The following GOLPH3 variants were observed in gnomAD, a reference collection of about 807,000 sequenced individuals.
GOLPH3 encodes golgi phosphoprotein 3.
GOLPH3 carries 14 observed loss-of-function variants against 28.5 expected under a neutral mutation model. The ratio of observed to expected loss-of-function variants is 0.49; its 90% CI spans 0.32 to 0.77. GOLPH3 has a LOEUF of 0.77. Among genes scored for constraint, GOLPH3 ranks in the 30% least tolerant of loss-of-function variants. The pLI, the probability that GOLPH3 is intolerant of heterozygous loss-of-function variation, is 0.03. For synonymous variants in GOLPH3, 158 were observed against 159.2 expected (o/e 0.99, Z 0.06); for missense variants, 350 against 393.7 (o/e 0.89, Z 0.94).
chr5:32,148,831 C>T (rs959797056), intron 1 of GOLPH3, among the ~76,000 whole-genome samples: 4 of 151,974 alleles, frequency 2.6e-5, no homozygotes, highest in African/African-American at 9.7e-5. Flanking sequence ...CAAAATTACC[C>T]AGGCGTGGTG....
intron 1 of GOLPH3, among the ~76,000 whole-genome samples, chr5:32,167,306 G>A (rs1395978568): frequency 6.6e-6 from 1 of 152,022 alleles, no homozygotes; most frequent in South Asian, 2.1e-4. Context: ...CGAGTAGCTG[G>A]GATTACAGGT....
chr5:32,160,962 G>T (rs1178799230), intron 1 of GOLPH3, among the ~76,000 whole-genome samples: 1 of 151,390 alleles, frequency 6.6e-6, no homozygotes, highest in East Asian at 1.9e-4. Flanking sequence ...AGCTACTCGG[G>T]AGGCTGAGGC....
At chr5:32,161,402 CA>C (rs763841756) in intron 1 of GOLPH3, among the ~76,000 whole-genome samples, 43 of 32,000 alleles carry the variant, frequency 1.3e-3, no homozygotes, top group Admixed American at 2.4e-3. Context: ...TACCTTGTCT[CA>C]AAAAAAAAAA....
rs1746472296 is a variant in GOLPH3, at chr5:32,158,014, TAAATAAAATACAC to T, written c.226-14147_226-14135del. On this transcript the variant is annotated intron_variant, in intron 1 of 3. Transcript: ENST00000265070. ...ATAAATAAATAAATAAATAAATAAA[TAAATAAAATACAC>T]ACACACACACACACACACACACACA... Among the ~76,000 whole-genome samples the T allele has an allele frequency of 3.3e-4, 11 of 33,544 alleles. 1 individual carries two copies. Among genetic ancestry groups the T allele is most frequent in the African/African-American group, 1.1e-3 (11 of 10,168 alleles). 22.0% of individuals were successfully genotyped at this position (33,544 alleles called of 152,430 possible).
At chr5:32,147,888 C>T (rs1164963013) in intron 1 of GOLPH3, among the ~76,000 whole-genome samples, 1 of 152,178 alleles carries the variant, frequency 6.6e-6, no homozygotes, top group Non-Finnish European at 1.5e-5. Context: ...TCCAGCTCTA[C>T]CACATACTAT....
At chr5:32,171,664 A>C (rs1746841124) in intron 1 of GOLPH3, among the ~76,000 whole-genome samples, 1 of 152,078 alleles carries the variant, frequency 6.6e-6, no homozygotes, top group African/African-American at 2.4e-5. Context: ...AAAAATGTTT[A>C]TGGCCGGGCG....
At chr5:32,150,961 A>AC (rs1367648087) in intron 1 of GOLPH3, among the ~76,000 whole-genome samples, 1 of 152,222 alleles carries the variant, frequency 6.6e-6, no homozygotes, top group Non-Finnish European at 1.5e-5. Context: ...TCCTTATTAT[A>AC]CATCAATATA....
At position 32,126,211 on chromosome 5, in the gene GOLPH3, G is replaced by A; in HGVS notation, c.*1C>T. 1.2e-6 allele frequency: 2 copies of A among 1,608,562 alleles called. No homozygotes were observed. Among genetic ancestry groups the A allele is most frequent in the African/African-American group, 1.3e-5 (1 of 74,948 alleles). On this transcript the variant is annotated 3_prime_UTR_variant, in exon 4 of 4. Transcript: ENST00000265070. ...AGGAGAATGGTTCACCCCGAGCAGAGTTACTTGGTGAACGCCGCCACCACC... is the reference window on the plus strand; with the variant it reads ...AGGAGAATGGTTCACCCCGAGCAGAATTACTTGGTGAACGCCGCCACCACC...
intron 1 of GOLPH3, among the ~76,000 whole-genome samples, chr5:32,172,614 G>A (rs323828): frequency 0.27 from 40,863 of 152,012 alleles, 6,213 homozygotes; most frequent in South Asian, 0.41. Flanking sequence ...AAAATCGCTT[G>A]AACCCGGGAG....
intron 3 of GOLPH3, among the ~76,000 whole-genome samples, chr5:32,134,325 C>A (rs1745886622): frequency 6.6e-6 from 1 of 152,094 alleles, no homozygotes; most frequent in Admixed American, 6.5e-5. Context: ...CCCACCTCAG[C>A]TTTCCAAGTA....
intron 3 of GOLPH3, among the ~76,000 whole-genome samples, chr5:32,130,222 T>G (rs1302841198): frequency 6.6e-6 from 1 of 152,174 alleles, no homozygotes; most frequent in Non-Finnish European, 1.5e-5. Context: ...TGAGTTTTGC[T>G]TTTTCTAATG....
intron 1 of GOLPH3, among the ~76,000 whole-genome samples, chr5:32,154,379 G>C (rs77602412): frequency 0.06 from 9,198 of 152,272 alleles, 620 homozygotes; most frequent in African/African-American, 0.16. Context: ...ACAAGTTCTA[G>C]TGGCAGATCT....
chr5:32,149,671 A>C (rs1023083587), intron 1 of GOLPH3, among the ~76,000 whole-genome samples: 2 of 152,256 alleles, frequency 1.3e-5, no homozygotes, highest in African/African-American at 4.8e-5. Context: ...AGACTAGACA[A>C]GAAAAGGTAT....
chr5:32,135,779 C>A, intron 2 of GOLPH3, 93 bp from the exon 3 acceptor site: 1 of 718,246 alleles, frequency 1.4e-6, no homozygotes, highest in South Asian at 1.7e-5. Context: ...ATAAATAATT[C>A]ATTATGCTTA....
chr5:32,124,899 G>A lies in GOLPH3; in HGVS notation c.*1313C>T, dbSNP rs1745641742. 6.6e-6 allele frequency: 1 copy of A among 152,398 alleles called. No homozygotes were observed. Among genetic ancestry groups the A allele is most frequent in the African/African-American group, 2.4e-5 (1 of 41,348 alleles). The allele number at this position is 152,398 out of a possible 1,614,324, so 9.4% of individuals were successfully genotyped here. ...AGCCCCACTATTAACATGGACTATGGTAATAAAAAATTTTGACATTTAATT... is the reference window on the plus strand; with the variant it reads ...AGCCCCACTATTAACATGGACTATGATAATAAAAAATTTTGACATTTAATT... On this transcript the variant is annotated 3_prime_UTR_variant, in exon 4 of 4. Transcript: ENST00000265070.
chr5:32,127,893 T>TG (rs1745716960), intron 3 of GOLPH3, among the ~76,000 whole-genome samples: 1 of 151,974 alleles, frequency 6.6e-6, no homozygotes, highest in African/African-American at 2.4e-5. Flanking sequence ...GTGCAGCCTA[T>TG]GTGAGCCTGA....
intron 1 of GOLPH3, among the ~76,000 whole-genome samples, chr5:32,152,433 CT>C (rs146250761): frequency 2.3e-3 from 296 of 127,532 alleles, no homozygotes; most frequent in East Asian, 8.0e-3. Context: ...CCCCCCCAGC[CT>C]TTTTTTTTTT....
chr5:32,125,916 G>A lies in GOLPH3; in HGVS notation c.*296C>T. On this transcript the variant is annotated 3_prime_UTR_variant, in exon 4 of 4. Transcript: ENST00000265070. ...CAAAAGCTGTGCGTATGAGGAGGCTGGAGGTACTTTGAAAGTCAAAGTAGA... is the reference window on the plus strand; with the variant it reads ...CAAAAGCTGTGCGTATGAGGAGGCTAGAGGTACTTTGAAAGTCAAAGTAGA... 9.6e-6 allele frequency: 3 copies of A among 310,948 alleles called. No individual in the cohort carries two copies. The highest frequency in any genetic ancestry group is 1.8e-5 in the Non-Finnish European group (3 of 167,598). 19.3% of individuals were successfully genotyped at this position (310,948 alleles called of 1,614,324 possible). A position where few individuals can be genotyped will look rare whatever the true frequency, so the allele number is the denominator to read the frequency against.
intron 1 of GOLPH3, among the ~76,000 whole-genome samples, chr5:32,167,849 G>A (rs1236119353): frequency 6.6e-6 from 1 of 152,080 alleles, no homozygotes; most frequent in South Asian, 2.1e-4. Context: ...AGCTATTCAG[G>A]AGACTGAGGA....
Sources: allele counts gnomAD v4.1 joint callset (sites outside exome capture counted in the v4.1 genomes callset), GRCh38; gene constraint gnomAD v4.1.1; transcripts MANE v1.5; gene names NCBI Gene and HGNC (gene_info 2026-07-23, HGNC 2026-07-21).